RGS6: variants seen among roughly 807,000 people sequenced by gnomAD.
RGS6 encodes the protein regulator of G-protein signaling 6.
Under a neutral mutation model 78.5 loss-of-function variants are expected in RGS6, and 30 were observed. The observed-to-expected ratio is 0.38, with a 90% CI of 0.29 to 0.52. The LOEUF (loss-of-function observed/expected upper bound fraction) is 0.52. Ranked by LOEUF, RGS6 falls within the 20% of genes least tolerant of loss-of-function variation. The pLI, the probability that RGS6 is intolerant of heterozygous loss-of-function variation, is 0.85. For missense variants in RGS6, 495 were observed against 609.7 expected (o/e 0.81, Z 1.98); for synonymous variants, 206 against 206.0 (o/e 1.00, Z 0.00).
chr14:72,168,445 C>T (rs543010358), intron 2 of RGS6, among the ~76,000 whole-genome samples: 11 of 152,242 alleles, frequency 7.2e-5, no homozygotes, highest in East Asian at 3.9e-4. Context: ...GCACAGCAGC[C>T]GCACATTGGC....
At chr14:72,181,889 G>A (rs149650) in intron 2 of RGS6, among the ~76,000 whole-genome samples, 131,662 of 152,224 alleles carry the variant, frequency 0.86, 57,325 homozygotes, top group African/African-American at 0.97. Flanking sequence ...CAAATATGCA[G>A]TGACAACAGA....
chr14:72,364,455 C>T (rs951794675), intron 3 of RGS6, among the ~76,000 whole-genome samples: 4 of 152,210 alleles, frequency 2.6e-5, no homozygotes, highest in African/African-American at 9.6e-5. Flanking sequence ...TCCACCAGCT[C>T]AGCAGCCTCC....
At chr14:71,890,095 G>A in the RGS6 span, among the ~76,000 whole-genome samples, 16 of 152,106 alleles carry the variant, frequency 1.1e-4, no homozygotes, top group Admixed American at 3.9e-4. Flanking sequence ...CTGCAGAACC[G>A]TGAGTCAGTT....
At chr14:72,043,649 A>C (rs1055499293) in intron 2 of RGS6, among the ~76,000 whole-genome samples, 1 of 152,068 alleles carries the variant, frequency 6.6e-6, no homozygotes, top group Admixed American at 6.6e-5. Context: ...CTTCTTTCAA[A>C]ATTTCTTATT....
intron 2 of RGS6, among the ~76,000 whole-genome samples, chr14:72,240,250 A>G (rs112889928): frequency 3.3e-5 from 5 of 152,176 alleles, no homozygotes; most frequent in African/African-American, 9.7e-5. Context: ...TGCAGCCTTG[A>G]TCCTAATCTG....
chr14:72,239,778 A>G (rs1044082140), intron 2 of RGS6, among the ~76,000 whole-genome samples: 5 of 152,244 alleles, frequency 3.3e-5, no homozygotes, highest in Admixed American at 2.0e-4. Flanking sequence ...GTTTCTAGCC[A>G]TCCCTCAAAT....
chr14:72,628,306 G>A, the RGS6 span, among the ~76,000 whole-genome samples: 1 of 151,908 alleles, frequency 6.6e-6, no homozygotes, highest in Non-Finnish European at 1.5e-5. Flanking sequence ...TATTTTTAAT[G>A]TTTTTATCAT....
intron 2 of RGS6, among the ~76,000 whole-genome samples, chr14:72,293,881 G>A (rs1172754811): frequency 6.6e-6 from 1 of 152,172 alleles, no homozygotes; most frequent in African/African-American, 2.4e-5. Flanking sequence ...AAACAAATGG[G>A]CATGGCTCTG....
chr14:72,139,540 T>A (rs144743630), intron 2 of RGS6, among the ~76,000 whole-genome samples: 7 of 152,288 alleles, frequency 4.6e-5, no homozygotes, highest in African/African-American at 1.7e-4. Context: ...ATTATTTTGG[T>A]TTCTGAGTTT....
chr14:72,125,025 C>A (rs1373391315), intron 2 of RGS6, among the ~76,000 whole-genome samples: 3 of 152,168 alleles, frequency 2.0e-5, no homozygotes, highest in Non-Finnish European at 4.4e-5. Flanking sequence ...CAAAGGTTCT[C>A]TTTCACTAGT....
chr14:71,871,923 C>T, the RGS6 span, among the ~76,000 whole-genome samples: 4 of 152,028 alleles, frequency 2.6e-5, no homozygotes, highest in Admixed American at 6.6e-5. Flanking sequence ...ATCTAAACCT[C>T]CAACATCGAT....
intron 3 of RGS6, among the ~76,000 whole-genome samples, chr14:72,406,263 AG>A (rs1260918643): frequency 6.6e-6 from 1 of 152,204 alleles, no homozygotes; most frequent in African/African-American, 2.4e-5. Flanking sequence ...ACACGCCTGT[AG>A]TCCCAGCTAC....
intron 2 of RGS6, among the ~76,000 whole-genome samples, chr14:72,105,438 C>T (rs12895415): frequency 0.31 from 47,769 of 152,104 alleles, 8,359 homozygotes; most frequent in Admixed American, 0.39. Flanking sequence ...GGCATACAGA[C>T]ATTTGTGGAA....
the RGS6 span, among the ~76,000 whole-genome samples, chr14:71,922,744 A>G: frequency 3.9e-5 from 6 of 152,198 alleles, no homozygotes; most frequent in African/African-American, 1.4e-4. Flanking sequence ...TTTTAAAAAA[A>G]TTATTATGTT....
intron 8 of RGS6, among the ~76,000 whole-genome samples, chr14:72,471,646 A>G (rs1415234630): frequency 1.3e-5 from 2 of 152,128 alleles, no homozygotes; most frequent in African/African-American, 2.4e-5. Flanking sequence ...TGGCCTGTAC[A>G]CTGCCATTGC....
intron 2 of RGS6, among the ~76,000 whole-genome samples, chr14:72,091,517 CTT>C (rs772619280): frequency 3.3e-5 from 5 of 152,152 alleles, no homozygotes; most frequent in African/African-American, 4.8e-5. Context: ...GTTCCTGTGA[CTT>C]TTGACTCATC....
At chr14:72,175,127 A>T (rs1010118135) in intron 2 of RGS6, among the ~76,000 whole-genome samples, 4 of 152,172 alleles carry the variant, frequency 2.6e-5, no homozygotes, top group African/African-American at 9.7e-5. Flanking sequence ...GCAATTATTA[A>T]AAGTTTTCCT....
Position 72,238,231 on chromosome 14 carries a change from GTC to G in RGS6, c.85-113858_85-113857del, listed in dbSNP as rs2051693356. On this transcript the variant is annotated intron_variant, in intron 2 of 17. Coordinates refer to ENST00000553525, the MANE Select transcript of RGS6 (RefSeq NM_001204424.2). ...TTCTCCTTTTCACGTTCAGCTGCTT[GTC>G]TCTCTGCCAGCTAAGGTCTGAGGTT... Among the ~76,000 whole-genome samples, 3 of 152,158 alleles carry G rather than the reference GTC, an allele frequency of 2.0e-5. 1 individual carries two copies. The highest frequency in any genetic ancestry group is 4.1e-4 in the South Asian group (2 of 4,828).
rs148910199 is a variant in RGS6, at chr14:72,019,057, A to G, written c.84+54182A>G. 6.9e-3 allele frequency among the ~76,000 whole-genome samples: 1,046 copies of G among 152,232 alleles called. 9 individuals carry two copies. Among genetic ancestry groups the G allele is most frequent in the Middle Eastern group, 0.027 (8 of 294 alleles). The stretch of plus-strand genomic sequence containing the variant: ...AATAAAACAAAAAGCAACCCCCCAA[A>G]TCAGCTCCCTAACCATGAGCCAGGC... On this transcript the variant is annotated intron_variant, in intron 2 of 17. Coordinates refer to ENST00000553525, the MANE Select transcript of RGS6 (RefSeq NM_001204424.2).
Sources: allele counts gnomAD v4.1 joint callset (sites outside exome capture counted in the v4.1 genomes callset), GRCh38; gene constraint gnomAD v4.1.1; transcripts MANE v1.5; gene names NCBI Gene and HGNC (gene_info 2026-07-23, HGNC 2026-07-21).